Variants in SPATA6L observed in about 807,000 individuals in gnomAD.
SPATA6L encodes spermatogenesis associated 6-like protein.
SPATA6L carries 68 observed loss-of-function variants against 49.2 expected under a neutral mutation model. The ratio of observed to expected loss-of-function variants is 1.38; its 90% confidence interval spans 1.14 to 1.69. The LOEUF is 1.69. SPATA6L is among the 40% of genes most tolerant of loss of function. The pLI is 0.00. For missense variants in SPATA6L, 668 were observed against 464.3 expected, an observed-to-expected ratio of 1.44 and a Z score of -4.03; for synonymous variants, 198 against 165.7, an observed-to-expected ratio of 1.19 and a Z score of -1.50.
At chr9:4,597,224 G>A (rs547186825), downstream of SPATA6L, among the ~76,000 whole-genome samples, 27 of 151,866 alleles carry the variant, frequency 1.8e-4, 1 homozygote, top group Non-Finnish European at 3.2e-4. Flanking sequence ...AGGCCGAGGC[G>A]GCAGATCACT....
At chr9:4,602,716 G>C (rs1823666420) in intron 11 of SPATA6L, among the ~76,000 whole-genome samples, 2 of 152,136 alleles carry the variant, frequency 1.3e-5, no homozygotes, top group South Asian at 4.1e-4. Flanking sequence ...CACACATGGG[G>C]AGACATGGAT....
chr9:4,657,922 TG>T (rs1451577636), intron 2 of SPATA6L, among the ~76,000 whole-genome samples: 1 of 152,170 alleles, frequency 6.6e-6, no homozygotes, highest in Non-Finnish European at 1.5e-5. Context: ...TTTAAAGCAC[TG>T]GAGCCGCCCC....
chr9:4,594,760 C>G (rs1168691745), downstream of SPATA6L, among the ~76,000 whole-genome samples: 2 of 152,076 alleles, frequency 1.3e-5, no homozygotes, highest in African/African-American at 4.8e-5. Flanking sequence ...ATGGTGTACT[C>G]CTGCATTTTC....
At chr9:4,645,455 G>T (rs1055452546) in intron 3 of SPATA6L, among the ~76,000 whole-genome samples, 1 of 152,154 alleles carries the variant, frequency 6.6e-6, no homozygotes, top group Non-Finnish European at 1.5e-5. Flanking sequence ...TGCTGGTGGG[G>T]ACTCTGCTTA....
At chr9:4,652,420 G>C (rs980983793) in intron 3 of SPATA6L, among the ~76,000 whole-genome samples, 1 of 151,896 alleles carries the variant, frequency 6.6e-6, no homozygotes, top group African/African-American at 2.4e-5. Context: ...AAAATCAATT[G>C]GATCTCTATA....
intron 2 of SPATA6L, among the ~76,000 whole-genome samples, chr9:4,656,445 G>GAAGA (rs751883076): frequency 0.28 from 20,688 of 73,474 alleles, 2,207 homozygotes; most frequent in East Asian, 0.43. Context: ...TGAAAGAAAG[G>GAAGA]AAGGAAGGAA....
At chr9:4,666,109 G>T in intron 1 of SPATA6L, 103 bp downstream of exon 1, 2 of 1,010,476 alleles carry the variant, frequency 2.0e-6, no homozygotes, top group South Asian at 1.3e-5. Flanking sequence ...ATAATGATGT[G>T]TTTGTGGTAA....
At chr9:4,596,325 G>T (rs1822254971), downstream of SPATA6L, 2 of 152,172 alleles carry the variant, frequency 1.3e-5, no homozygotes. Context: ...AGGGCTGGGA[G>T]GAGACCCAGT....
intron 10 of SPATA6L, 84 bp from the exon 11 acceptor site, chr9:4,604,353 G>A (rs1331244969): frequency 4.8e-6 from 4 of 835,986 alleles, no homozygotes; most frequent in African/African-American, 1.7e-5. Flanking sequence ...TTTGCATGTA[G>A]GAGGTCTGTG....
At chr9:4,610,272 T>G (rs1018862821) in intron 9 of SPATA6L, among the ~76,000 whole-genome samples, 1 of 149,108 alleles carries the variant, frequency 6.7e-6, no homozygotes, top group African/African-American at 2.5e-5. Flanking sequence ...CCAATGACTT[T>G]CTTCACAGAA....
intron 3 of SPATA6L, among the ~76,000 whole-genome samples, chr9:4,641,241 T>A (rs1346141759): frequency 6.6e-6 from 1 of 152,162 alleles, no homozygotes; most frequent in Non-Finnish European, 1.5e-5. Context: ...TTCGTGTTTA[T>A]ATATACTGTA....
chr9:4,662,858 C>G lies in SPATA6L; in HGVS notation c.40-822G>C. The G allele has an allele frequency of 2.5e-6, 4 of 1,605,250 alleles. No homozygotes were observed. The highest frequency in any genetic ancestry group is 3.4e-6 in the Non-Finnish European group (4 of 1,179,950). Reference sequence around the variant, plus strand: ...GCCTGTGCAGGAGCGACAGCTGGGCCGGGCGCGAGGTGCTGATGAACCTGC... The same window carrying G: ...GCCTGTGCAGGAGCGACAGCTGGGCGGGGCGCGAGGTGCTGATGAACCTGC... On this transcript the variant is annotated intron_variant, in intron 1 of 11. Coordinates refer to ENST00000682582, the MANE Select transcript of SPATA6L (RefSeq NM_001353486.2). The surrounding 1 kb of genome is among the most constrained non-coding windows in gnomAD (Gnocchi z 4.9).
At chr9:4,646,363 C>T (rs301469) in intron 3 of SPATA6L, 305,207 of 533,498 alleles carry the variant, frequency 0.57, 91,216 homozygotes, top group African/African-American at 0.88. Flanking sequence ...TATAAACTTA[C>T]AGACACATAA....
At chr9:4,663,121 C>G (rs1840268115) in intron 1 of SPATA6L, 1 of 1,614,044 alleles carries the variant, frequency 6.2e-7, no homozygotes, top group Non-Finnish European at 8.5e-7. Context: ...TTGGGCCTAT[C>G]CAGGGTCATG....
At chr9:4,611,590 T>C (rs1459460582) in intron 9 of SPATA6L, among the ~76,000 whole-genome samples, 10 of 137,536 alleles carry the variant, frequency 7.3e-5, no homozygotes, top group Admixed American at 2.4e-4. Flanking sequence ...TAGGTGGGAA[T>C]TGAACAATGA....
chr9:4,593,042 G>C (rs1822009873), intron 13 of SPATA6L, among the ~76,000 whole-genome samples: 1 of 152,286 alleles, frequency 6.6e-6, no homozygotes, highest in South Asian at 2.1e-4. Context: ...ACTTCTATTA[G>C]GCAGGTCATA....
In SPATA6L at chr9:4,662,110, T is replaced by G. The variant is rs1839928531; in HGVS notation, c.40-74A>C. On this transcript the variant is annotated intron_variant, in intron 1 of 11. Coordinates refer to ENST00000682582, the MANE Select transcript of SPATA6L (RefSeq NM_001353486.2). The surrounding 1 kb of genome is among the most constrained non-coding windows in gnomAD (Gnocchi z 4.9). ...TTTGTTTTGTTACACGGGGCTCTATTTCTCTTAAGCTCCTACAGACACTGA... is the reference window on the plus strand; with the variant it reads ...TTTGTTTTGTTACACGGGGCTCTATGTCTCTTAAGCTCCTACAGACACTGA... 1.3e-6 allele frequency: 2 copies of G among 1,564,750 alleles called. No homozygotes were observed. The highest frequency in any genetic ancestry group is 2.4e-5 in the South Asian group (2 of 84,492).
At chr9:4,591,517 T>C (rs540181626) in intron 13 of SPATA6L, among the ~76,000 whole-genome samples, 9 of 152,296 alleles carry the variant, frequency 5.9e-5, no homozygotes, top group African/African-American at 1.7e-4. Context: ...CAGTCGGCGA[T>C]AGAGGGACAC....
At chr9:4,613,363 T>A (rs577489251) in intron 9 of SPATA6L, among the ~76,000 whole-genome samples, 2 of 152,228 alleles carry the variant, frequency 1.3e-5, no homozygotes, top group South Asian at 4.1e-4. Context: ...CCTGTGCAGT[T>A]GCCCCTCTGC....
Sources: gnomAD v4.1 joint callset for allele counts (sites outside exome capture counted in the v4.1 genomes callset) on GRCh38, gnomAD v4.1.1 for gene constraint, Gnocchi (gnomAD v3.1) non-coding constraint, MANE v1.5 for transcripts, NCBI Gene and HGNC (gene_info 2026-07-23, HGNC 2026-07-21) for gene names.